CACNA1G: variants seen among roughly 807,000 people sequenced by gnomAD.
CACNA1G encodes the protein voltage-dependent T-type calcium channel subunit alpha-1G.
CACNA1G carries 67 observed loss-of-function variants against 219.4 expected under a neutral mutation model. The ratio of observed to expected loss-of-function variants is 0.31; its 90% CI spans 0.25 to 0.37. CACNA1G has a LOEUF of 0.37. CACNA1G is among the 10% of genes least tolerant of loss of function. The pLI is 1.00. For missense variants in CACNA1G, 2,380 were observed against 3,231.4 expected (o/e 0.74, Z 6.39); for synonymous variants, 1,296 against 1,345.3 (o/e 0.96, Z 0.80).
intron 19 of CACNA1G, 98 bp from the exon 20 acceptor site, chr17:50,602,722 A>G (rs925122982): frequency 5.7e-5 from 61 of 1,068,600 alleles, no homozygotes; most frequent in Non-Finnish European, 8.2e-5. Context: ...TTTCTGAGTC[A>G]AATGTTAGAA....
Position 50,581,972 on chromosome 17 carries a change from C to T in CACNA1G, c.2301+3408C>T, listed in dbSNP as rs187979169. On this transcript the variant is annotated intron_variant, in intron 9 of 37. Coordinates refer to ENST00000359106, the MANE Select transcript of CACNA1G (RefSeq NM_018896.5). ...TGCCAATTTCCATGGTGTAAATGCT[C>T]CCACCATAGCTGGTTTTAAGCTACC... 2.8e-3 allele frequency among the ~76,000 whole-genome samples: 425 copies of T among 150,886 alleles called. 2 individuals carry two copies. The highest frequency in any genetic ancestry group is 6.8e-3 in the Middle Eastern group (2 of 294).
At chr17:50,622,595 C>T (rs2146405741) in intron 35 of CACNA1G, among the ~76,000 whole-genome samples, 1 of 152,268 alleles carries the variant, frequency 6.6e-6, no homozygotes, top group Admixed American at 6.5e-5. Flanking sequence ...CTCAGGCCTG[C>T]TGGGGCTATT....
rs529140267 is a variant in CACNA1G at position 50,589,920 on chromosome 17, G to C, written c.2302-551G>C. 5.4e-3 allele frequency among the ~76,000 whole-genome samples: 713 copies of C among 131,614 alleles called. 2 individuals carry two copies. Among genetic ancestry groups the C allele is most frequent in the Admixed American group, 7.9e-3 (112 of 14,178 alleles). The allele number at this position is 131,614 out of a possible 152,430, so 86.3% of individuals were successfully genotyped here. ...TCTCTCTCTCTCTCTCTCTGTGTGT[G>C]TGTGTGTGTGTGTGTGTGTGTGTGT... On this transcript the variant is annotated intron_variant, in intron 9 of 37. Coordinates refer to ENST00000359106, the MANE Select transcript of CACNA1G (RefSeq NM_018896.5).
At chr17:50,567,642 A>C (rs187316571) in intron 1 of CACNA1G, among the ~76,000 whole-genome samples, 197 of 152,158 alleles carry the variant, frequency 1.3e-3, no homozygotes, top group Non-Finnish European at 2.2e-3. Flanking sequence ...CCCATTCCCC[A>C]GGGGGTCTCT....
At chr17:50,612,492 TTCAC>T (rs746762714) in intron 26 of CACNA1G, among the ~76,000 whole-genome samples, 1 of 152,216 alleles carries the variant, frequency 6.6e-6, no homozygotes, top group African/African-American at 2.4e-5. Context: ...GGCGTCGACC[TTCAC>T]TCACTCACCC....
chr17:50,583,668 G>GGGGGGGGGA (rs2042413802), intron 9 of CACNA1G, among the ~76,000 whole-genome samples: 1 of 137,344 alleles, frequency 7.3e-6, no homozygotes, highest in African/African-American at 2.8e-5. Context: ...GTGGGGGTGG[G>GGGGGGGGGA]GGGAGGTGGG....
chr17:50,624,888 C>T (rs1292012835), intron 37 of CACNA1G, among the ~76,000 whole-genome samples: 1 of 151,888 alleles, frequency 6.6e-6, no homozygotes, highest in African/African-American at 2.4e-5. Context: ...AGCTATGGGG[C>T]ACAAGGCAGG....
chr17:50,583,102 C>T (rs2042282522), intron 9 of CACNA1G, among the ~76,000 whole-genome samples: 2 of 151,982 alleles, frequency 1.3e-5, no homozygotes, highest in Non-Finnish European at 2.9e-5. Flanking sequence ...CCCAGAAAAT[C>T]CCCATATGCC....
rs59013675 is a variant in CACNA1G at position 50,623,487 on chromosome 17, G to C, written c.6061-420G>C. 9.4e-4 allele frequency among the ~76,000 whole-genome samples: 142 copies of C among 151,810 alleles called. 1 individual carries two copies. The highest frequency in any genetic ancestry group is 3.2e-3 in the African/African-American group (132 of 41,350). ...GCCCCAGCCCATCCCTGTGGACACCGGGACTCCCTTCAGAGCCTCTAAATG... is the reference window on the plus strand; with the variant it reads ...GCCCCAGCCCATCCCTGTGGACACCCGGACTCCCTTCAGAGCCTCTAAATG... On this transcript the variant is annotated intron_variant, in intron 35 of 37. Transcript: ENST00000359106.
chr17:50,561,388 C>A lies in CACNA1G; in HGVS notation c.-72C>A. 2.0e-6 allele frequency: 3 copies of A among 1,528,374 alleles called. No individual in the cohort carries two copies. Among genetic ancestry groups the A allele is most frequent in the Non-Finnish European group, 2.6e-6 (3 of 1,142,864 alleles). 94.7% of individuals were successfully genotyped at this position (1,528,374 alleles called of 1,614,324 possible). A position where few individuals can be genotyped will look rare whatever the true frequency, so the allele number is the denominator to read the frequency against. On this transcript the variant is annotated 5_prime_UTR_variant, in exon 1 of 38. Coordinates refer to ENST00000359106, the MANE Select transcript of CACNA1G (RefSeq NM_018896.5). ...TGCCCCCGCCGGGGCCCCCGGGTTG[C>A]GTGAGGACACCTCCTCTGAGGGGCG...
intron 9 of CACNA1G, among the ~76,000 whole-genome samples, chr17:50,587,293 G>T (rs1407551239): frequency 6.6e-6 from 1 of 152,158 alleles, no homozygotes; most frequent in African/African-American, 2.4e-5. Context: ...CAGTTTCCCA[G>T]ACTATCTAGG....
chr17:50,606,334 G>A, intron 23 of CACNA1G: 1 of 645,976 alleles, frequency 1.5e-6, no homozygotes, highest in Non-Finnish European at 2.8e-6. Context: ...GTGGGGGCAG[G>A]CAGCCCTGGA....
rs879437579 is a variant in CACNA1G at position 50,608,147 on chromosome 17, C to T, written c.4705+128C>T. Reference sequence around the variant, plus strand: ...GCAGGGAGAAGAGGCTCCCACCCCCCTCCTCACCTCCTTCTCCCCAAGAGC... The same window carrying T: ...GCAGGGAGAAGAGGCTCCCACCCCCTTCCTCACCTCCTTCTCCCCAAGAGC... On this transcript the variant is annotated intron_variant, in intron 25 of 37. Transcript: ENST00000359106. 2.0e-5 allele frequency: 15 copies of T among 742,824 alleles called. No individual in the cohort carries two copies. In the Admixed American group the frequency reaches 2.9e-4, roughly 14 times the overall value. 46.0% of individuals were successfully genotyped at this position (742,824 alleles called of 1,614,324 possible). A position where few individuals can be genotyped will look rare whatever the true frequency, so the allele number is the denominator to read the frequency against.
chr17:50,599,684 T>C lies in CACNA1G; in HGVS notation c.3515T>C (p.Phe1172Ser). 1.9e-6 allele frequency: 3 copies of C among 1,613,376 alleles called. No individual in the cohort carries two copies. The highest frequency in any genetic ancestry group is 2.5e-6 in the Non-Finnish European group (3 of 1,179,626). The change falls in exon 17 of 38, where the codon TTT (phenylalanine) becomes TCT (serine). Residue 1172 changes from phenylalanine to serine, a missense_variant. Transcript: ENST00000359106. The part of the protein sequence containing the change: ...GSLEREAKSS[F>S]DLPDTLQVPG... ...CTGGAGCGGGAGGCCAAGAGTTCCT[T>C]TGACCTGCCAGACACACTGCAGGTG...
chr17:50,565,389 G>GA (rs201703549), intron 1 of CACNA1G, among the ~76,000 whole-genome samples: 1 of 142,958 alleles, frequency 7.0e-6, no homozygotes, highest in South Asian at 2.5e-4. Context: ...GGGTGGGGCG[G>GA]GGGGTTCTGC....
At position 50,617,348 on chromosome 17, in the gene CACNA1G, C is replaced by A. The variant is rs2050808932; in HGVS notation, c.5022-90C>A. The stretch of plus-strand genomic sequence containing the variant: ...GCTGGACCCGCTGATGTCTGCCCTC[C>A]TTTCAAGCCCTGTCTTTCTGTGCCA... On this transcript the variant is annotated intron_variant, in intron 28 of 37. Coordinates refer to ENST00000359106, the MANE Select transcript of CACNA1G (RefSeq NM_018896.5). This position sits in a 1 kb window ranked among gnomAD's most constrained non-coding sequence, Gnocchi z 5.8. 5 of 1,429,414 alleles carry A rather than the reference C, an allele frequency of 3.5e-6. No individual in the cohort carries two copies. The East Asian group carries it at 1.2e-4, about 34-fold the overall frequency. 88.5% of individuals were successfully genotyped at this position (1,429,414 alleles called of 1,614,324 possible). A position where few individuals can be genotyped will look rare whatever the true frequency, so the allele number is the denominator to read the frequency against.
intron 25 of CACNA1G, among the ~76,000 whole-genome samples, chr17:50,609,403 C>T (rs1015091203): frequency 6.6e-6 from 1 of 152,172 alleles, no homozygotes; most frequent in African/African-American, 2.4e-5. Flanking sequence ...GGTCCGGGTT[C>T]GGCTTCCCTG....
At chr17:50,579,408 G>A (rs2041428464) in intron 9 of CACNA1G, among the ~76,000 whole-genome samples, 1 of 152,128 alleles carries the variant, frequency 6.6e-6, no homozygotes, top group Admixed American at 6.5e-5. Context: ...GGACCCCACT[G>A]ATCCCCCATC....
rs1598090469 is a variant in CACNA1G, at chr17:50,571,733, T to C, written c.587-145T>C. 1.4e-6 allele frequency: 1 copy of C among 713,194 alleles called. No homozygotes were observed. The highest frequency in any genetic ancestry group is 1.8e-5 in the African/African-American group (1 of 56,202). The allele number at this position is 713,194 out of a possible 1,614,324, so 44.2% of individuals were successfully genotyped here. A position where few individuals can be genotyped will look rare whatever the true frequency, so the allele number is the denominator to read the frequency against. On this transcript the variant is annotated intron_variant, in intron 4 of 37. Transcript: ENST00000359106. The surrounding 1 kb of genome is among the most constrained non-coding windows in gnomAD (Gnocchi z 4.3). ...CAGAGGCTATCTGGGGAGTCAGAGG[T>C]GTCTGTTGGTCTCCCCTCCAGCTTG...
Sources: allele counts gnomAD v4.1 joint callset (sites outside exome capture counted in the v4.1 genomes callset), GRCh38; gene constraint gnomAD v4.1.1; non-coding constraint Gnocchi (gnomAD v3.1); transcripts MANE v1.5; gene names NCBI Gene and HGNC (gene_info 2026-07-23, HGNC 2026-07-21).